The following FOXO4 variants were observed in gnomAD, a reference collection of about 807,000 sequenced individuals.
FOXO4 encodes forkhead box O4, also known as forkhead box protein O4.
A neutral mutation model predicts 20.8 loss-of-function variants in FOXO4; 3 were observed. The ratio of observed to expected loss-of-function variants is 0.14; its 90% CI spans 0.07 to 0.37. The LOEUF (loss-of-function observed/expected upper bound fraction) is 0.37, where lower values mean the gene tolerates loss of function less well. FOXO4 is among the 10% of genes least tolerant of loss of function. The probability of loss-of-function intolerance (pLI) is 1.00; values close to 1 mark genes in which losing one functional copy is unlikely to be tolerated. For synonymous variants in FOXO4, 158 were observed against 180.0 expected (o/e 0.88, Z 0.98); for missense variants, 309 against 431.9 (o/e 0.72, Z 2.52).
rs2092218440 is a variant in FOXO4, at chrX:71,096,526, C to A, written c.-3C>A. The stretch of plus-strand genomic sequence containing the variant: ...GCTGAGCCGGGGAGGTCCAACTCCA[C>A]GTATGGATCCGGGGAATGAGAATTC... On this transcript the variant is annotated 5_prime_UTR_variant, in exon 1 of 3. Coordinates refer to ENST00000374259, the MANE Select transcript of FOXO4 (RefSeq NM_005938.4). The A allele has an allele frequency of 8.3e-7, 1 of 1,201,593 alleles. No individual in the cohort carries two copies. The highest frequency in any genetic ancestry group is 1.1e-6 in the Non-Finnish European group (1 of 889,525).
chrX:71,101,886 C>A, intron 2 of FOXO4, 146 bp downstream of exon 2: 1 of 669,351 alleles, frequency 1.5e-6, no homozygotes, highest in Non-Finnish European at 2.4e-6. Context: ...TGTCATATTA[C>A]AGTAGCATAG....
In FOXO4 at chrX:71,102,731, T is replaced by A. The variant is rs998460223; in HGVS notation, c.*647T>A. 2 of 171,812 alleles carry A rather than the reference T, an allele frequency of 1.2e-5. No homozygotes were observed. The highest frequency in any genetic ancestry group is 2.2e-5 in the Non-Finnish European group (2 of 89,729). 14.2% of individuals were successfully genotyped at this position (171,812 alleles called of 1,213,427 possible). A position where few individuals can be genotyped will look rare whatever the true frequency, so the allele number is the denominator to read the frequency against. On this transcript the variant is annotated 3_prime_UTR_variant, in exon 3 of 3. Transcript: ENST00000374259. ...GCTAGTGGTGGGCAGAATGCTTTTT[T>A]TTCTTTCTGAAGGCTTTGTGATAGT...
Position 71,103,146 on chromosome X carries a change from G to A in FOXO4, c.*1062G>A, listed in dbSNP as rs2092236161. On this transcript the variant is annotated 3_prime_UTR_variant, in exon 3 of 3. Coordinates refer to ENST00000374259, the MANE Select transcript of FOXO4 (RefSeq NM_005938.4). ...ACCTCCCTGTTCAAGGCCCCTGACA[G>A]CTGTCCCTGCCCTTCTTCCCCTTCC... 1.1e-5 allele frequency: 2 copies of A among 174,336 alleles called. No individual in the cohort carries two copies. The highest frequency in any genetic ancestry group is 2.2e-5 in the Non-Finnish European group (2 of 90,726). 14.4% of individuals were successfully genotyped at this position (174,336 alleles called of 1,213,427 possible).
Position 71,102,576 on chromosome X carries a change from A to G in FOXO4, c.*492A>G, listed in dbSNP as rs2092234588. 5.5e-6 allele frequency: 1 copy of G among 183,461 alleles called. No individual in the cohort carries two copies. Among genetic ancestry groups the G allele is most frequent in the African/African-American group, 2.9e-5 (1 of 34,134 alleles). 15.1% of individuals were successfully genotyped at this position (183,461 alleles called of 1,213,427 possible). On this transcript the variant is annotated 3_prime_UTR_variant, in exon 3 of 3. Transcript: ENST00000374259. ...GCTGTTTAGGGGATCTGGAAGGGCCAAGGTCTGAGCACTGGAGTGGCTCGC... is the reference window on the plus strand; with the variant it reads ...GCTGTTTAGGGGATCTGGAAGGGCCGAGGTCTGAGCACTGGAGTGGCTCGC...
chrX:71,097,051 T>C (rs1264005869), intron 1 of FOXO4, 70 bp downstream of exon 1: 1 of 941,629 alleles, frequency 1.1e-6, no homozygotes, highest in Non-Finnish European at 1.5e-6. Context: ...CCCTTACTTC[T>C]ACTCTGGGGC....
In FOXO4 at chrX:71,101,582, C is replaced by T; in HGVS notation, c.1352C>T (p.Thr451Ile). The change falls in exon 2 of 3, where the codon ACT (threonine) becomes ATT (isoleucine). Residue 451 changes from threonine (T) to isoleucine (I), a missense_variant. This residue lies in a region of FOXO4 where 223 missense variants were observed against 302.7 expected (regional missense o/e 0.74). Transcript: ENST00000374259. ...GCCCCCATCCCCAAGGCTCTGGGGACTCCTGTGCTCACACCCCCTACTGAA... is the reference window on the plus strand; with the variant it reads ...GCCCCCATCCCCAAGGCTCTGGGGATTCCTGTGCTCACACCCCCTACTGAA... The part of the protein sequence containing the change: ...ASAPIPKALG[T>I]PVLTPPTEAA... 8.3e-7 allele frequency: 1 copy of T among 1,211,731 alleles called. No individual in the cohort carries two copies. The highest frequency in any genetic ancestry group is 1.8e-5 in the South Asian group (1 of 57,000).
chrX:71,102,089 T>G lies in FOXO4; in HGVS notation c.*5T>G. The G allele has an allele frequency of 8.3e-7, 1 of 1,210,046 alleles. No individual in the cohort carries two copies. Among genetic ancestry groups the G allele is most frequent in the Non-Finnish European group, 1.1e-6 (1 of 894,166 alleles). Reference sequence around the variant, plus strand: ...CTTCTTCCCACAGATCCCTGAGTCATGCCTGGAAGCTTTGTCCCCTGCTTC... The same window carrying G: ...CTTCTTCCCACAGATCCCTGAGTCAGGCCTGGAAGCTTTGTCCCCTGCTTC... On this transcript the variant is annotated 3_prime_UTR_variant, in exon 3 of 3. Coordinates refer to ENST00000374259, the MANE Select transcript of FOXO4 (RefSeq NM_005938.4).
chrX:71,102,624 G>T lies in FOXO4; in HGVS notation c.*540G>T. The T allele has an allele frequency of 5.7e-6, 1 of 174,508 alleles. No individual in the cohort carries two copies. Among genetic ancestry groups the T allele is most frequent in the East Asian group, 8.3e-5 (1 of 12,059 alleles). The allele number at this position is 174,508 out of a possible 1,213,427, so 14.4% of individuals were successfully genotyped here. A position where few individuals can be genotyped will look rare whatever the true frequency, so the allele number is the denominator to read the frequency against. On this transcript the variant is annotated 3_prime_UTR_variant, in exon 3 of 3. Coordinates refer to ENST00000374259, the MANE Select transcript of FOXO4 (RefSeq NM_005938.4). The stretch of plus-strand genomic sequence containing the variant: ...CGCCAGGCCAAATCACCCTTAGAAG[G>T]CTGCAGATAACAGAAAGGCTTTTTA...
At position 71,102,586 on chromosome X, in the gene FOXO4, C is replaced by T; in HGVS notation, c.*502C>T. On this transcript the variant is annotated 3_prime_UTR_variant, in exon 3 of 3. Coordinates refer to ENST00000374259, the MANE Select transcript of FOXO4 (RefSeq NM_005938.4). ...GGATCTGGAAGGGCCAAGGTCTGAG[C>T]ACTGGAGTGGCTCGCCAGGCCAAAT... The T allele has an allele frequency of 5.6e-6, 1 of 180,017 alleles. No individual in the cohort carries two copies. The highest frequency in any genetic ancestry group is 8.1e-5 in the East Asian group (1 of 12,342). 14.8% of individuals were successfully genotyped at this position (180,017 alleles called of 1,213,427 possible).
At position 71,096,605 on chromosome X, in the gene FOXO4, G is replaced by A. The variant is rs762317130; in HGVS notation, c.77G>A (p.Ser26Asn). 2 of 1,210,377 alleles carry A rather than the reference G, an allele frequency of 1.7e-6. No individual in the cohort carries two copies. Among genetic ancestry groups the A allele is most frequent in the Non-Finnish European group, 2.2e-6 (2 of 894,697 alleles). The stretch of plus-strand genomic sequence containing the variant: ...CTAGATCCCGACTTCGAACCCCAGA[G>A]CCGTCCCCGCTCCTGCACCTGGCCC... ...IDLDPDFEPQ[S>N]RPRSCTWPLP... Residue 26 changes from serine (S) to asparagine (N), a missense_variant, in exon 1 of 3, where the codon AGC becomes AAC. Physicochemically the swap from Ser to Asn is conservative, Grantham distance 46. This residue lies in a region of FOXO4 where 81 missense variants were observed against 94.2 expected (regional missense o/e 0.86). Coordinates refer to ENST00000374259, the MANE Select transcript of FOXO4 (RefSeq NM_005938.4).
chrX:71,099,009 G>A (rs2092224408), intron 1 of FOXO4, among the ~76,000 whole-genome samples: 1 of 111,501 alleles, frequency 9.0e-6, no homozygotes, highest in Non-Finnish European at 1.9e-5. Context: ...GTTTCTGACC[G>A]TCCCATGTAC....
chrX:71,099,479 A>T (rs1489495378), intron 1 of FOXO4: 1 of 111,720 alleles, frequency 9.0e-6, no homozygotes, highest in Non-Finnish European at 1.9e-5. Context: ...ATGTACTGTG[A>T]GCTTGAGTAG....
chrX:71,101,294 CAGG>C lies in FOXO4; in HGVS notation c.1067_1069del (p.Gly356del), dbSNP rs748007140. On this transcript the variant is annotated inframe_deletion, in exon 2 of 3. Coordinates refer to ENST00000374259, the MANE Select transcript of FOXO4 (RefSeq NM_005938.4). ...AGCCCAGCAGAGGGGCCCCTGTCAG[CAGG>C]AGAAGGGTGCTTCTCCAGCTCCCAG... The C allele has an allele frequency of 9.1e-6, 11 of 1,209,410 alleles. No individual in the cohort carries two copies. Among genetic ancestry groups the C allele is most frequent in the African/African-American group, 8.8e-5 (5 of 57,072 alleles).
At chrX:71,097,073 C>T in intron 1 of FOXO4, 92 bp downstream of exon 1, 1 of 687,890 alleles carries the variant, frequency 1.5e-6, no homozygotes, top group South Asian at 2.8e-5. Flanking sequence ...CCTTTTACTA[C>T]CTCCCACCCC....
In FOXO4 at chrX:71,103,187, A is replaced by T. The variant is rs192176526; in HGVS notation, c.*1103A>T. 1.2e-5 allele frequency: 2 copies of T among 172,536 alleles called. No homozygotes were observed. Among genetic ancestry groups the T allele is most frequent in the East Asian group, 1.7e-4 (2 of 12,044 alleles). The allele number at this position is 172,536 out of a possible 1,213,427, so 14.2% of individuals were successfully genotyped here. The stretch of plus-strand genomic sequence containing the variant: ...TTCCCCTTCCCTGACTGCAGGGGTT[A>T]TGTGGAAGTGTGTGTGGCAGCAGGC... On this transcript the variant is annotated 3_prime_UTR_variant, in exon 3 of 3. Coordinates refer to ENST00000374259, the MANE Select transcript of FOXO4 (RefSeq NM_005938.4).
At position 71,102,352 on chromosome X, in the gene FOXO4, G is replaced by A. The variant is rs1200430520; in HGVS notation, c.*268G>A. ...AGGCCCCCTCTCAGGAGCCATCATC[G>A]GCTTTCCCCATTCCTACCCACTTAG... On this transcript the variant is annotated 3_prime_UTR_variant, in exon 3 of 3. Transcript: ENST00000374259. 1.7e-5 allele frequency: 7 copies of A among 410,862 alleles called. No individual in the cohort carries two copies. In the South Asian group the frequency reaches 2.0e-4, roughly 12 times the overall value. The allele number at this position is 410,862 out of a possible 1,213,427, so 33.9% of individuals were successfully genotyped here.
chrX:71,101,198 G>T lies in FOXO4; in HGVS notation c.968G>T (p.Gly323Val). The change falls in exon 2 of 3, where the codon GGT (glycine) becomes GTT (valine). Residue 323 changes from glycine (G) to valine (V), a missense_variant. Physicochemically the swap from Gly to Val is moderately radical, Grantham distance 109 (BLOSUM62 -3). This residue lies in a region of FOXO4 where 223 missense variants were observed against 302.7 expected (regional missense o/e 0.74). Coordinates refer to ENST00000374259, the MANE Select transcript of FOXO4 (RefSeq NM_005938.4). ...TSSHSLLSRS[G>V]LSGFSLQHPG... Reference sequence around the variant, plus strand: ...TCCCATTCCCTGCTATCTCGGAGTGGTCTCTCTGGCTTCTCTTTGCAGCAT... The same window carrying T: ...TCCCATTCCCTGCTATCTCGGAGTGTTCTCTCTGGCTTCTCTTTGCAGCAT... 8.3e-7 allele frequency: 1 copy of T among 1,211,311 alleles called. No homozygotes were observed. Among genetic ancestry groups the T allele is most frequent in the Non-Finnish European group, 1.1e-6 (1 of 895,343 alleles).
Position 71,096,776 on chromosome X carries a change from G to A in FOXO4, c.248G>A (p.Gly83Glu), listed in dbSNP as rs756310763. 1.3e-5 allele frequency: 15 copies of A among 1,197,552 alleles called. No individual in the cohort carries two copies. The East Asian group carries it at 4.2e-4, about 34-fold the overall frequency. The change falls in exon 1 of 3, where the codon GGA becomes GAA. Residue 83 changes from glycine (G) to glutamate (E), a missense_variant. Physicochemically the swap from Gly to Glu is moderately conservative, Grantham distance 98. Transcript: ENST00000374259. ...LPEPAGGPQPGILGAVTGPRK... is the reference protein window; with the variant it reads ...LPEPAGGPQPEILGAVTGPRK... Reference sequence around the variant, plus strand: ...GAGCCGGCCGGGGGCCCCCAGCCCGGAATCCTGGGGGCTGTAACAGGTCCT... The same window carrying A: ...GAGCCGGCCGGGGGCCCCCAGCCCGAAATCCTGGGGGCTGTAACAGGTCCT...
Position 71,101,559 on chromosome X carries a change from C to G in FOXO4, c.1329C>G (p.Ala443=). ...CACCACCTCCAGTCATGGCAAGTGCCCCCATCCCCAAGGCTCTGGGGACTC... is the reference window on the plus strand; with the variant it reads ...CACCACCTCCAGTCATGGCAAGTGCGCCCATCCCCAAGGCTCTGGGGACTC... ...MIAPPPVMAS[A]PIPKALGTPV... is the part of the protein sequence containing the mutation. Residue 443 remains alanine, a synonymous_variant, in exon 2 of 3, where the codon GCC becomes GCG. Transcript: ENST00000374259. 8 of 1,211,731 alleles carry G rather than the reference C, an allele frequency of 6.6e-6. No individual in the cohort carries two copies. The highest frequency in any genetic ancestry group is 8.9e-6 in the Non-Finnish European group (8 of 895,459).
Sources: gnomAD v4.1 joint callset for allele counts (sites outside exome capture counted in the v4.1 genomes callset) on GRCh38, gnomAD v4.1.1 for gene constraint, gnomAD v4.1.1 regional missense constraint, MANE v1.5 for transcripts, NCBI Gene and HGNC (gene_info 2026-07-23, HGNC 2026-07-21) for gene names.